The following ZZZ3 variants were observed in gnomAD, a reference collection of about 807,000 sequenced individuals.
The protein encoded by ZZZ3 is ZZ-type zinc finger-containing protein 3.
A neutral mutation model predicts 95.2 loss-of-function variants in ZZZ3; 22 were observed. The ratio of observed to expected loss-of-function variants is 0.23; its 90% CI spans 0.17 to 0.33. The LOEUF (loss-of-function observed/expected upper bound fraction) is 0.33. Among genes scored for constraint, ZZZ3 ranks in the 10% least tolerant of loss-of-function variants. The pLI is 1.00. For missense variants in ZZZ3, 885 were observed against 1,066.5 expected, an observed-to-expected ratio of 0.83 and a Z score of 2.37; for synonymous variants, 335 against 358.9, an observed-to-expected ratio of 0.93 and a Z score of 0.75.
At chr1:77,646,305 C>T (rs1447801955) in intron 1 of ZZZ3, among the ~76,000 whole-genome samples, 6 of 151,988 alleles carry the variant, frequency 3.9e-5, no homozygotes, top group African/African-American at 9.7e-5. Context: ...CTGCAGCCTT[C>T]GACCTCCCAG....
chr1:77,660,239 A>G (rs972675707), intron 1 of ZZZ3, among the ~76,000 whole-genome samples: 1 of 152,184 alleles, frequency 6.6e-6, no homozygotes, highest in African/African-American at 2.4e-5. Context: ...TACACATAAC[A>G]TAAAATTTGT....
At chr1:77,620,617 T>C (rs1456288261) in intron 5 of ZZZ3, among the ~76,000 whole-genome samples, 1 of 152,138 alleles carries the variant, frequency 6.6e-6, no homozygotes, top group Non-Finnish European at 1.5e-5. Flanking sequence ...TTTTCTGGAT[T>C]GGGCAAGTAA....
intron 6 of ZZZ3, 116 bp downstream of exon 6, chr1:77,584,401 G>C (rs1368830514): frequency 4.8e-6 from 5 of 1,050,104 alleles, no homozygotes; most frequent in Non-Finnish European, 6.4e-6. Context: ...GCTAATTATA[G>C]ACGAAAAAAA....
intron 1 of ZZZ3, among the ~76,000 whole-genome samples, chr1:77,678,401 T>C (rs1317651512): frequency 6.6e-6 from 1 of 152,182 alleles, no homozygotes; most frequent in African/African-American, 2.4e-5. Context: ...TTCCAGAAAA[T>C]TGAAACTTAA....
At chr1:77,647,640 G>A (rs770231090) in intron 1 of ZZZ3, among the ~76,000 whole-genome samples, 12 of 152,076 alleles carry the variant, frequency 7.9e-5, no homozygotes, top group Middle Eastern at 3.4e-3. Context: ...ACCTTTGTTC[G>A]TAATAAGTGA....
rs397861463 is a variant in ZZZ3 at position 77,661,980 on chromosome 1, C to CTT, written c.-402-20327_-402-20326dup. On this transcript the variant is annotated intron_variant, in intron 1 of 14. Transcript: ENST00000370801. The stretch of plus-strand genomic sequence containing the variant: ...TACAGGCACAAGCCATGATGCCTGG[C>CTT]TTTTTTTTTTTTTTTTACTTGGTTT... 2.9e-3 allele frequency among the ~76,000 whole-genome samples: 396 copies of CTT among 134,980 alleles called. 3 individuals are homozygous for CTT. Among genetic ancestry groups the CTT allele is most frequent in the South Asian group, 6.2e-3 (26 of 4,170 alleles). 88.6% of individuals were successfully genotyped at this position (134,980 alleles called of 152,430 possible).
chr1:77,630,558 CA>C (rs200895930), intron 5 of ZZZ3, among the ~76,000 whole-genome samples: 30 of 151,844 alleles, frequency 2.0e-4, no homozygotes, highest in Non-Finnish European at 4.3e-4. Flanking sequence ...ATTTCTAATA[CA>C]AAAAAAACTT....
chr1:77,628,758 C>T (rs913142094), intron 5 of ZZZ3, among the ~76,000 whole-genome samples: 1 of 152,136 alleles, frequency 6.6e-6, no homozygotes, highest in Admixed American at 6.5e-5. Flanking sequence ...AAGAATTATG[C>T]CATGCTCAGT....
chr1:77,598,944 G>C (rs933708643), intron 5 of ZZZ3, among the ~76,000 whole-genome samples: 1 of 152,082 alleles, frequency 6.6e-6, no homozygotes, highest in African/African-American at 2.4e-5. Context: ...TAGCACAGTA[G>C]TTAAACCGGC....
rs1668565808 is a variant in ZZZ3, at chr1:77,639,325, C to G, written c.-52+124G>C. ...GCTCCATACTCCTATAAACAGCCAG[C>G]CAAACTACAAGTTGCCACCCAGAGG... On this transcript the variant is annotated intron_variant, in intron 4 of 14. Coordinates refer to ENST00000370801, the MANE Select transcript of ZZZ3 (RefSeq NM_015534.6). 4.5e-6 allele frequency: 3 copies of G among 662,614 alleles called. No homozygotes were observed. The South Asian group carries it at 1.0e-4, about 23-fold the overall frequency. The allele number at this position is 662,614 out of a possible 1,614,324, so 41.0% of individuals were successfully genotyped here.
At chr1:77,591,655 C>T (rs1663713582) in intron 5 of ZZZ3, among the ~76,000 whole-genome samples, 1 of 152,158 alleles carries the variant, frequency 6.6e-6, no homozygotes, top group African/African-American at 2.4e-5. Context: ...TTCAATAAAA[C>T]TCCAGAAGTC....
intron 13 of ZZZ3, among the ~76,000 whole-genome samples, chr1:77,567,991 T>A (rs1660986132): frequency 6.6e-6 from 1 of 152,190 alleles, no homozygotes; most frequent in African/African-American, 2.4e-5. Flanking sequence ...AGATAACTTT[T>A]TCCTACATGC....
rs1324893034 is a variant in ZZZ3 at position 77,562,820 on chromosome 1, G to T, written c.*2820C>A. The T allele has an allele frequency of 2.0e-5, 3 of 152,474 alleles. No individual in the cohort carries two copies. Among genetic ancestry groups the T allele is most frequent in the Admixed American group, 6.5e-5 (1 of 15,274 alleles). The allele number at this position is 152,474 out of a possible 1,614,324, so 9.4% of individuals were successfully genotyped here. On this transcript the variant is annotated 3_prime_UTR_variant, in exon 15 of 15. Transcript: ENST00000370801. ...CACACCTCCACTCCTAACACCTAGT[G>T]TTGCCTGACACAAGGGGAAATTCCT...
At chr1:77,679,565 C>T (rs755669833) in intron 1 of ZZZ3, among the ~76,000 whole-genome samples, 3 of 152,168 alleles carry the variant, frequency 2.0e-5, no homozygotes, top group Non-Finnish European at 2.9e-5. Flanking sequence ...GTATTACAGG[C>T]GTGAGCCACC....
chr1:77,565,825 A>T (rs778376490), intron 14 of ZZZ3, 41 bp from the exon 15 acceptor site: 1 of 1,575,226 alleles, frequency 6.3e-7, no homozygotes, highest in African/African-American at 1.4e-5. Flanking sequence ...ATGGTAGTGG[A>T]TGCATTTTAG....
intron 5 of ZZZ3, among the ~76,000 whole-genome samples, chr1:77,591,932 A>G (rs1207889790): frequency 2.0e-5 from 3 of 152,172 alleles, no homozygotes; most frequent in South Asian, 4.1e-4. Flanking sequence ...GCTTGAGGAC[A>G]GGTACTGAAC....
At chr1:77,571,536 T>C (rs564377806) in intron 12 of ZZZ3, among the ~76,000 whole-genome samples, 1 of 152,154 alleles carries the variant, frequency 6.6e-6, no homozygotes, top group South Asian at 2.1e-4. Context: ...AACCCAAGTA[T>C]CCATCAACAA....
chr1:77,575,650 T>C (rs1236243126), intron 12 of ZZZ3, among the ~76,000 whole-genome samples: 1 of 152,064 alleles, frequency 6.6e-6, no homozygotes, highest in Non-Finnish European at 1.5e-5. Context: ...AGAGGGAGAA[T>C]GAACCTATTG....
intron 5 of ZZZ3, among the ~76,000 whole-genome samples, chr1:77,610,014 A>G (rs1665630959): frequency 6.6e-6 from 1 of 151,894 alleles, no homozygotes; most frequent in Non-Finnish European, 1.5e-5. Context: ...AATCATATAG[A>G]TCAGAAGTAA....
Sources: allele counts gnomAD v4.1 joint callset (sites outside exome capture counted in the v4.1 genomes callset), GRCh38; gene constraint gnomAD v4.1.1; transcripts MANE v1.5; gene names NCBI Gene and HGNC (gene_info 2026-07-23, HGNC 2026-07-21).